Variants in ADGRL3 observed in about 807,000 individuals in gnomAD.
The protein encoded by ADGRL3 is adhesion G protein-coupled receptor L3.
A neutral mutation model predicts 153.5 loss-of-function variants in ADGRL3; 62 were observed. The ratio of observed to expected loss-of-function variants is 0.40; its 90% CI spans 0.33 to 0.50. The LOEUF (loss-of-function observed/expected upper bound fraction) is 0.50, where lower values mean the gene tolerates loss of function less well. Among genes scored for constraint, ADGRL3 ranks in the 20% least tolerant of loss-of-function variants. The probability of loss-of-function intolerance (pLI) is 0.47; values close to 1 mark genes in which losing one functional copy is unlikely to be tolerated. For missense variants in ADGRL3, 1,641 were observed against 1,859.4 expected (o/e 0.88, Z 2.16); for synonymous variants, 710 against 672.5 (o/e 1.06, Z -0.86).
chr4:61,990,733 C>T (rs527519983), intron 19 of ADGRL3, among the ~76,000 whole-genome samples: 2 of 151,774 alleles, frequency 1.3e-5, no homozygotes, highest in African/African-American at 4.8e-5. Flanking sequence ...TAATTATCAA[C>T]CAATCGACAC....
At position 61,200,692 on chromosome 4, in the gene ADGRL3, G is replaced by A. The variant is rs903706291; in HGVS notation, c.-1313G>A. Among the ~76,000 whole-genome samples, 2 of 151,992 alleles carry A rather than the reference G, an allele frequency of 1.3e-5. No individual in the cohort carries two copies. Among genetic ancestry groups the A allele is most frequent in the Admixed American group, 1.3e-4 (2 of 15,266 alleles). On this transcript the variant is annotated 5_prime_UTR_variant, in exon 1 of 27. Coordinates refer to ENST00000683033, the MANE Select transcript of ADGRL3 (RefSeq NM_001387552.1). ...GGTTGCACGGTTTGCTTTGGCAGGA[G>A]CTCGCTCGTGTGTGCGCGTGTGTGA... is the stretch of plus-strand genomic sequence containing the variant.
intron 2 of ADGRL3, among the ~76,000 whole-genome samples, chr4:61,467,873 T>G (rs141009996): frequency 6.6e-6 from 1 of 152,188 alleles, no homozygotes; most frequent in South Asian, 2.1e-4. Flanking sequence ...AATTCACATC[T>G]TAATGGTCCT....
intron 9 of ADGRL3, among the ~76,000 whole-genome samples, chr4:61,885,886 A>G (rs1444852041): frequency 6.6e-6 from 1 of 152,188 alleles, no homozygotes; most frequent in Non-Finnish European, 1.5e-5. Context: ...TATGTAAAAC[A>G]TTCAGGACAG....
In ADGRL3 at chr4:62,057,717, G is replaced by A. The variant is rs531326619; in HGVS notation, c.3815-10449G>A. On this transcript the variant is annotated intron_variant, in intron 25 of 26. Coordinates refer to ENST00000683033, the MANE Select transcript of ADGRL3 (RefSeq NM_001387552.1). The stretch of plus-strand genomic sequence containing the variant: ...TATTGAGACAGGGTCTTGCTCTGTC[G>A]CCCAGGCTGGAATGCAGTGGTGTGA... Among the ~76,000 whole-genome samples, 25 of 151,858 alleles carry A rather than the reference G, an allele frequency of 1.6e-4. No individual in the cohort carries two copies. In the South Asian group the frequency reaches 4.6e-3, roughly 28 times the overall value.
rs1196271345 is a variant in ADGRL3, at chr4:61,748,884, T to C, written c.1399+15330T>C. ...TGGGATCTAATTAAACTAAAGAGCT[T>C]CTGCACAGCAAAAGAAACTACCATC... On this transcript the variant is annotated intron_variant, in intron 8 of 26. Coordinates refer to ENST00000683033, the MANE Select transcript of ADGRL3 (RefSeq NM_001387552.1). Among the ~76,000 whole-genome samples the C allele has an allele frequency of 8.6e-5, 13 of 151,344 alleles. No individual in the cohort carries two copies. The Middle Eastern group carries it at 0.01, about 119-fold the overall frequency.
At chr4:61,577,220 TGGG>T (rs147457611) in intron 4 of ADGRL3, among the ~76,000 whole-genome samples, 1 of 112,436 alleles carries the variant, frequency 8.9e-6, no homozygotes, top group Admixed American at 9.6e-5. Flanking sequence ...GTTAGGGAAA[TGGG>T]GGGGGGATGA....
At chr4:62,025,256 ATT>A (rs1411308638) in intron 21 of ADGRL3, among the ~76,000 whole-genome samples, 1 of 152,164 alleles carries the variant, frequency 6.6e-6, no homozygotes, top group African/African-American at 2.4e-5. Flanking sequence ...TTGCCAAGCT[ATT>A]CGTGTTATTA....
chr4:61,293,873 C>T (rs1323995345), intron 1 of ADGRL3, among the ~76,000 whole-genome samples: 1 of 152,084 alleles, frequency 6.6e-6, no homozygotes, highest in African/African-American at 2.4e-5. Context: ...CTCACTCTGC[C>T]AGTTTCTCCA....
chr4:61,392,582 A>G (rs763494354), intron 2 of ADGRL3, among the ~76,000 whole-genome samples: 1 of 148,864 alleles, frequency 6.7e-6, no homozygotes, highest in Non-Finnish European at 1.5e-5. Context: ...GCTACTTCGT[A>G]GGCTGAGGCA....
At chr4:61,445,590 T>C (rs972614587) in intron 2 of ADGRL3, among the ~76,000 whole-genome samples, 5 of 152,210 alleles carry the variant, frequency 3.3e-5, no homozygotes, top group Admixed American at 2.0e-4. Context: ...AGGCAGTTGC[T>C]ATTATAGTAA....
At chr4:62,060,769 T>C (rs1402952827) in intron 25 of ADGRL3, among the ~76,000 whole-genome samples, 1 of 151,884 alleles carries the variant, frequency 6.6e-6, no homozygotes, top group Non-Finnish European at 1.5e-5. Context: ...TTTTTTCTCA[T>C]AAAATACCAT....
At chr4:61,351,673 A>C (rs1338639985) in intron 1 of ADGRL3, among the ~76,000 whole-genome samples, 1 of 152,134 alleles carries the variant, frequency 6.6e-6, no homozygotes, top group East Asian at 1.9e-4. Flanking sequence ...TATAAATGGA[A>C]CAACAAAGCC....
chr4:61,510,297 C>A (rs2098456649), intron 3 of ADGRL3, among the ~76,000 whole-genome samples: 1 of 152,006 alleles, frequency 6.6e-6, no homozygotes, highest in South Asian at 2.1e-4. Context: ...GGTTTTGTTG[C>A]AATTGTTTTT....
At chr4:62,000,850 A>T (rs1435930195) in intron 21 of ADGRL3, among the ~76,000 whole-genome samples, 1 of 151,978 alleles carries the variant, frequency 6.6e-6, no homozygotes, top group Non-Finnish European at 1.5e-5. Flanking sequence ...AGTGCCATCA[A>T]AGCCCACTGC....
At chr4:62,023,593 A>G (rs2099247720) in intron 21 of ADGRL3, among the ~76,000 whole-genome samples, 1 of 152,130 alleles carries the variant, frequency 6.6e-6, no homozygotes, top group African/African-American at 2.4e-5. Flanking sequence ...AAATTTCCAT[A>G]GCTCCCATAA....
intron 10 of ADGRL3, among the ~76,000 whole-genome samples, chr4:61,893,569 G>T (rs2098604845): frequency 6.6e-6 from 1 of 152,050 alleles, no homozygotes; most frequent in African/African-American, 2.4e-5. Context: ...CATTGTAGTT[G>T]TCCTCTGATG....
chr4:61,627,257 A>G (rs944875043), intron 5 of ADGRL3, among the ~76,000 whole-genome samples: 4 of 152,142 alleles, frequency 2.6e-5, no homozygotes, highest in African/African-American at 9.7e-5. Context: ...AAAAAAATAA[A>G]CTTACTTTTT....
At chr4:61,327,549 T>A (rs893457243) in intron 1 of ADGRL3, among the ~76,000 whole-genome samples, 1 of 151,988 alleles carries the variant, frequency 6.6e-6, no homozygotes, top group African/African-American at 2.4e-5. Context: ...CAGATTAAAA[T>A]TTAAAGTTTG....
intron 1 of ADGRL3, among the ~76,000 whole-genome samples, chr4:61,294,407 G>A (rs1461188243): frequency 2.6e-5 from 4 of 152,138 alleles, no homozygotes; most frequent in Non-Finnish European, 5.9e-5. Context: ...GTTTAAGGTA[G>A]GCTAGGCTAA....
Sources: gnomAD v4.1 joint callset for allele counts (sites outside exome capture counted in the v4.1 genomes callset) on GRCh38, gnomAD v4.1.1 for gene constraint, MANE v1.5 for transcripts, NCBI Gene and HGNC (gene_info 2026-07-23, HGNC 2026-07-21) for gene names.